Variants in ZNF577 observed in about 807,000 individuals in gnomAD.
ZNF577 encodes zinc finger protein 577.
ZNF577 carries 14 observed loss-of-function variants against 13.9 expected under a neutral mutation model. That is an observed-to-expected ratio of 1.00 (90% confidence interval 0.66 to 1.57). The LOEUF (loss-of-function observed/expected upper bound fraction) is 1.57, where lower values mean the gene tolerates loss of function less well. Ranked by LOEUF, ZNF577 falls within the 40% of genes most tolerant of loss-of-function variation. ZNF577 has a pLI of 0.00. For missense variants in ZNF577, 555 were observed against 579.2 expected (o/e 0.96, Z 0.43); for synonymous variants, 203 against 202.9 (o/e 1.00, Z 0.00).
intron 5 of ZNF577, among the ~76,000 whole-genome samples, chr19:51,848,266 C>G (rs2084363977): frequency 6.6e-6 from 1 of 152,212 alleles, no homozygotes; most frequent in Non-Finnish European, 1.5e-5. Flanking sequence ...TGCGCCCACG[C>G]TGCCTCGTTC....
At chr19:51,815,904 G>C (rs1309450540) in intron 9 of ZNF577, among the ~76,000 whole-genome samples, 2 of 150,576 alleles carry the variant, frequency 1.3e-5, no homozygotes, top group African/African-American at 2.4e-5. Flanking sequence ...AGAAGAAAAA[G>C]AAAAGAAAAG....
intron 5 of ZNF577, among the ~76,000 whole-genome samples, 200 bp from the exon 6 acceptor site, chr19:51,873,906 C>A (rs567722943): frequency 1.8e-4 from 27 of 152,236 alleles, no homozygotes; most frequent in African/African-American, 6.5e-4. Context: ...GGAAAAAGCA[C>A]AATATGAACA....
At chr19:51,875,849 A>G (rs541912467) in intron 5 of ZNF577, among the ~76,000 whole-genome samples, 5 of 152,324 alleles carry the variant, frequency 3.3e-5, no homozygotes, top group Admixed American at 1.3e-4. Flanking sequence ...AACCTCTACT[A>G]CCATGGCCTA....
At position 51,887,775 on chromosome 19, in the gene ZNF577, GA is replaced by G. The variant is rs929378888; in HGVS notation, c.-1174del. The G allele has an allele frequency of 1.6e-4, 23 of 147,768 alleles. No individual in the cohort carries two copies. Among genetic ancestry groups the G allele is most frequent in the African/African-American group, 5.2e-4 (21 of 40,258 alleles). The allele number at this position is 147,768 out of a possible 1,614,324, so 9.2% of individuals were successfully genotyped here. A position where few individuals can be genotyped will look rare whatever the true frequency, so the allele number is the denominator to read the frequency against. The stretch of plus-strand genomic sequence containing the variant: ...GGACCTCACGCGCTAGCGAACAACA[GA>G]AAAAAAAAAGCGCGCTCTCCCTGCC... On this transcript the variant is annotated 5_prime_UTR_variant, in exon 1 of 6. An upstream open reading frame in the 5' UTR loses its in-frame stop. Coordinates refer to ENST00000638348, the MANE Select transcript of ZNF577 (RefSeq NM_001370449.1).
At chr19:51,879,890 T>C (rs1220554019) in intron 3 of ZNF577, among the ~76,000 whole-genome samples, 1 of 152,230 alleles carries the variant, frequency 6.6e-6, no homozygotes, top group Non-Finnish European at 1.5e-5. Flanking sequence ...CTTTGTTTTT[T>C]GAACCTGGAG....
chr19:51,838,572 A>G (rs954498567), intron 9 of ZNF577, among the ~76,000 whole-genome samples: 3 of 147,764 alleles, frequency 2.0e-5, no homozygotes, highest in Non-Finnish European at 4.5e-5. Flanking sequence ...TTATTATATA[A>G]TTATATAAAT....
At chr19:51,858,658 G>C (rs377503365) in intron 5 of ZNF577, among the ~76,000 whole-genome samples, 1 of 152,036 alleles carries the variant, frequency 6.6e-6, no homozygotes, top group Admixed American at 6.5e-5. Flanking sequence ...AGGTTTCACT[G>C]ATAACCAAAA....
chr19:51,816,876 T>C (rs2084141131), intron 9 of ZNF577, among the ~76,000 whole-genome samples: 1 of 152,228 alleles, frequency 6.6e-6, no homozygotes, highest in Non-Finnish European at 1.5e-5. Flanking sequence ...ACACATATGC[T>C]GTTAGAAGTA....
At chr19:51,842,923 G>A (rs1266432984) in intron 7 of ZNF577, 1 of 152,200 alleles carries the variant, frequency 6.6e-6, no homozygotes, top group African/African-American at 2.4e-5. Context: ...CCTGTCAAGA[G>A]GTAATCACAG....
chr19:51,882,239 G>A (rs1318725717), intron 1 of ZNF577, among the ~76,000 whole-genome samples: 1 of 152,122 alleles, frequency 6.6e-6, no homozygotes, highest in Non-Finnish European at 1.5e-5. Flanking sequence ...ACCATTCCCA[G>A]AAGCTCATGG....
chr19:51,816,820 G>C (rs1451969426), intron 9 of ZNF577, among the ~76,000 whole-genome samples: 1 of 152,170 alleles, frequency 6.6e-6, no homozygotes, highest in Non-Finnish European at 1.5e-5. Context: ...GATAGACAGT[G>C]GTGTCTCCAG....
intron 4 of ZNF577, 109 bp from the exon 5 acceptor site, chr19:51,877,486 ACT>A: frequency 1.2e-6 from 1 of 840,102 alleles, no homozygotes; most frequent in Non-Finnish European, 1.9e-6. Flanking sequence ...ATAAAGCAAA[ACT>A]CTTTCACTCA....
At chr19:51,831,285 A>G (rs1599845322) in intron 9 of ZNF577, among the ~76,000 whole-genome samples, 1 of 151,898 alleles carries the variant, frequency 6.6e-6, no homozygotes, top group Admixed American at 6.6e-5. Context: ...CCTGGCTAAT[A>G]TTTGTATTTT....
chr19:51,846,014 T>C (rs1419666804), intron 5 of ZNF577, among the ~76,000 whole-genome samples: 1 of 151,966 alleles, frequency 6.6e-6, no homozygotes, highest in Non-Finnish European at 1.5e-5. Flanking sequence ...TATATGGTGG[T>C]TCTATTTTTT....
intron 5 of ZNF577, 54 bp from the exon 6 acceptor site, chr19:51,873,760 A>G (rs967596915): frequency 3.8e-6 from 5 of 1,316,584 alleles, no homozygotes; most frequent in East Asian, 2.4e-5. Flanking sequence ...GTGTCTTTAC[A>G]TTAAAGGAAC....
At chr19:51,839,744 C>T (rs557814537) in intron 9 of ZNF577, 1 of 152,380 alleles carries the variant, frequency 6.6e-6, no homozygotes, top group Admixed American at 6.5e-5. Context: ...GAGGATGCTC[C>T]AATCCAGACC....
chr19:51,807,296 T>TTCTCAATAGATAAC (rs747955900), intron 10 of ZNF577, among the ~76,000 whole-genome samples: 4 of 152,202 alleles, frequency 2.6e-5, no homozygotes, highest in African/African-American at 7.2e-5. Context: ...GGCGCTAGAT[T>TTCTCAATAGATAAC]TCTCAATAGA....
At chr19:51,821,577 G>C (rs1047509719) in intron 9 of ZNF577, among the ~76,000 whole-genome samples, 2 of 152,094 alleles carry the variant, frequency 1.3e-5, no homozygotes, top group Non-Finnish European at 2.9e-5. Context: ...GAAAGTGACT[G>C]GTAATGACAG....
At position 51,873,814 on chromosome 19, in the gene ZNF577, T is replaced by C. The variant is rs1161452120; in HGVS notation, c.284-108A>G. ...AAACTTATTTCCAAGGGCATAACTT[T>C]GTTGACATCTTTCAAAATGTTTAAG... On this transcript the variant is annotated intron_variant, in intron 5 of 5. Coordinates refer to ENST00000638348, the MANE Select transcript of ZNF577 (RefSeq NM_001370449.1). 7 of 870,876 alleles carry C rather than the reference T, an allele frequency of 8.0e-6. No individual in the cohort carries two copies. In the East Asian group the frequency reaches 1.6e-4, roughly 20 times the overall value. 53.9% of individuals were successfully genotyped at this position (870,876 alleles called of 1,614,324 possible). A position where few individuals can be genotyped will look rare whatever the true frequency, so the allele number is the denominator to read the frequency against.
Sources: allele counts gnomAD v4.1 joint callset (sites outside exome capture counted in the v4.1 genomes callset), GRCh38; gene constraint gnomAD v4.1.1; transcripts MANE v1.5; gene names NCBI Gene and HGNC (gene_info 2026-07-23, HGNC 2026-07-21).